Variants in CNBD1 observed in about 807,000 individuals in gnomAD.
CNBD1 encodes cyclic nucleotide-binding domain-containing protein 1.
A neutral mutation model predicts 54.4 loss-of-function variants in CNBD1; 71 were observed. The ratio of observed to expected loss-of-function variants is 1.30; its 90% CI spans 1.08 to 1.59. The LOEUF is 1.59. CNBD1 is among the 40% of genes most tolerant of loss of function. CNBD1 has a pLI of 0.00. For synonymous variants in CNBD1, 182 were observed against 170.7 expected (o/e 1.07, Z -0.51); for missense variants, 659 against 518.0 (o/e 1.27, Z -2.64).
At chr8:87,138,499 G>A (rs147280284) in intron 4 of CNBD1, among the ~76,000 whole-genome samples, 2 of 152,316 alleles carry the variant, frequency 1.3e-5, no homozygotes, top group African/African-American at 4.8e-5. Context: ...CCATCCCTGT[G>A]TTACAGATAA....
chr8:87,072,742 T>A (rs1810784987), intron 4 of CNBD1, among the ~76,000 whole-genome samples: 1 of 151,894 alleles, frequency 6.6e-6, no homozygotes, highest in East Asian at 1.9e-4. Flanking sequence ...CCCTTGATAT[T>A]TTTTTTTCCA....
intron 6 of CNBD1, among the ~76,000 whole-genome samples, chr8:87,271,793 G>A (rs1265938803): frequency 1.3e-5 from 2 of 149,482 alleles, no homozygotes; most frequent in African/African-American, 2.6e-5. Context: ...ATATCAAAGG[G>A]ATATCCACAC....
intron 8 of CNBD1, among the ~76,000 whole-genome samples, chr8:87,303,639 G>A: frequency 7.0e-6 from 1 of 143,312 alleles, no homozygotes; most frequent in Non-Finnish European, 1.5e-5. Context: ...TGACAAATGG[G>A]ATCTAATTAA....
intron 1 of CNBD1, among the ~76,000 whole-genome samples, chr8:86,867,452 C>T (rs1199934717): frequency 3.9e-5 from 6 of 152,072 alleles, no homozygotes; most frequent in African/African-American, 1.2e-4. Context: ...TTAATTTCTC[C>T]AAATACATTT....
At chr8:86,884,690 C>T (rs181489521) in intron 1 of CNBD1, among the ~76,000 whole-genome samples, 13 of 152,312 alleles carry the variant, frequency 8.5e-5, no homozygotes, top group Admixed American at 2.6e-4. Flanking sequence ...TTCAGTACTT[C>T]AGTCCTATGC....
intron 4 of CNBD1, among the ~76,000 whole-genome samples, chr8:87,013,601 GT>G (rs201656176): frequency 1.6e-4 from 23 of 145,842 alleles, no homozygotes; most frequent in African/African-American, 4.5e-4. Flanking sequence ...GGATCTAACA[GT>G]TTTTTTTTCT....
rs188571532 is a variant in CNBD1, at chr8:87,217,135, A to T, written c.577+10997A>T. 2.6e-5 allele frequency among the ~76,000 whole-genome samples: 4 copies of T among 152,300 alleles called. No homozygotes were observed. In the East Asian group the frequency reaches 7.7e-4, roughly 29 times the overall value. On this transcript the variant is annotated intron_variant, in intron 5 of 10. Coordinates refer to ENST00000518476, the MANE Select transcript of CNBD1 (RefSeq NM_173538.3). ...CTTTTTTATGAAAGTGACACCAATA[A>T]GAGAGTGAAGATGATTTTTAATGGC...
intron 9 of CNBD1, 91 bp from the exon 10 acceptor site, chr8:87,353,545 A>T: frequency 1.3e-6 from 1 of 784,980 alleles, no homozygotes; most frequent in African/African-American, 1.8e-5. Flanking sequence ...ATTTAGTAAA[A>T]TGGTTTATGA....
intron 4 of CNBD1, among the ~76,000 whole-genome samples, chr8:87,192,276 A>G (rs911212411): frequency 6.6e-6 from 1 of 152,160 alleles, no homozygotes; most frequent in Non-Finnish European, 1.5e-5. Context: ...CTTTTTCTAA[A>G]TAATTATTCA....
chr8:87,415,887 A>T (rs1053520180), intron 2 of CNBD1, among the ~76,000 whole-genome samples: 1 of 152,000 alleles, frequency 6.6e-6, no homozygotes, highest in Admixed American at 6.6e-5. Context: ...ACCAAATAAG[A>T]ATCAAAACAA....
intron 3 of CNBD1, among the ~76,000 whole-genome samples, chr8:86,911,362 A>G (rs1809097192): frequency 6.6e-6 from 1 of 152,202 alleles, no homozygotes; most frequent in South Asian, 2.1e-4. Flanking sequence ...TAGCTCCCAT[A>G]TCAAAAGTTT....
downstream of CNBD1, among the ~76,000 whole-genome samples, chr8:87,385,692 C>A (rs1246817875): frequency 1.3e-5 from 2 of 152,154 alleles, no homozygotes; most frequent in Non-Finnish European, 2.9e-5. Flanking sequence ...CCTCTGGGGG[C>A]AGGGCATAGC....
chr8:87,271,835 GC>G (rs1388474112), intron 6 of CNBD1, among the ~76,000 whole-genome samples: 1 of 149,502 alleles, frequency 6.7e-6, no homozygotes, highest in Non-Finnish European at 1.5e-5. Flanking sequence ...ATTCACAGTA[GC>G]CCAGATACAG....
chr8:87,082,720 A>G (rs922095882), intron 4 of CNBD1, among the ~76,000 whole-genome samples: 1 of 152,030 alleles, frequency 6.6e-6, no homozygotes, highest in Non-Finnish European at 1.5e-5. Flanking sequence ...AGGTGTTTAG[A>G]CCATATACAT....
At chr8:87,258,126 G>A (rs1374595811) in intron 6 of CNBD1, among the ~76,000 whole-genome samples, 3 of 152,038 alleles carry the variant, frequency 2.0e-5, no homozygotes, top group Non-Finnish European at 2.9e-5. Context: ...AGTGCCCTCT[G>A]TATCATCCCA....
chr8:87,245,769 T>C (rs1358642932), intron 6 of CNBD1, among the ~76,000 whole-genome samples: 5 of 152,072 alleles, frequency 3.3e-5, no homozygotes, highest in Non-Finnish European at 1.5e-5. Context: ...TTGATTATAG[T>C]AGTGATATAA....
intron 6 of CNBD1, among the ~76,000 whole-genome samples, chr8:87,260,395 G>A (rs1239287867): frequency 6.6e-6 from 1 of 152,126 alleles, no homozygotes; most frequent in Non-Finnish European, 1.5e-5. Context: ...CTTGAGCAGT[G>A]AGCTTATGGG....
At chr8:87,042,087 AAG>A (rs1474334395) in intron 4 of CNBD1, among the ~76,000 whole-genome samples, 2 of 152,178 alleles carry the variant, frequency 1.3e-5, no homozygotes, top group Non-Finnish European at 2.9e-5. Flanking sequence ...GCCTATGCAA[AAG>A]AGAGTTAAAG....
At chr8:87,334,853 C>T (rs569726344) in intron 8 of CNBD1, among the ~76,000 whole-genome samples, 11 of 151,714 alleles carry the variant, frequency 7.3e-5, no homozygotes, top group East Asian at 1.9e-4. Context: ...CCTCCAGAGC[C>T]GCTGGGACTA....
Sources: allele counts gnomAD v4.1 joint callset (sites outside exome capture counted in the v4.1 genomes callset), GRCh38; gene constraint gnomAD v4.1.1; transcripts MANE v1.5; gene names NCBI Gene and HGNC (gene_info 2026-07-23, HGNC 2026-07-21).